MAN2A2: variants seen among roughly 807,000 people sequenced by gnomAD.
MAN2A2 encodes alpha-mannosidase 2x.
A neutral mutation model predicts 126.8 loss-of-function variants in MAN2A2; 79 were observed. The observed-to-expected ratio is 0.62, with a 90% confidence interval of 0.52 to 0.75. The LOEUF (loss-of-function observed/expected upper bound fraction) is 0.75. Ranked by LOEUF, MAN2A2 falls within the 30% of genes least tolerant of loss-of-function variation. MAN2A2 has a pLI of 0.00. For synonymous variants in MAN2A2, 671 were observed against 618.7 expected, an observed-to-expected ratio of 1.08 and a Z score of -1.25; for missense variants, 1,392 against 1,522.4, an observed-to-expected ratio of 0.91 and a Z score of 1.43.
intron 20 of MAN2A2, among the ~76,000 whole-genome samples, 165 bp from the exon 21 acceptor site, chr15:90,918,029 G>A (rs2035319252): frequency 6.6e-6 from 1 of 152,184 alleles, no homozygotes; most frequent in African/African-American, 2.4e-5. Context: ...GTCCACACTT[G>A]AAGGGTTAGC....
In MAN2A2 at chr15:90,913,336, A is replaced by T. The variant is rs747425087; in HGVS notation, c.2648A>T (p.Glu883Val). ...LVDIRDYVNK[E>V]LALHIHTDID... is the part of the protein sequence containing the mutation. ...GACATCCGGGACTACGTCAACAAGG[A>T]GCTGGCCCTGCACATCCATACAGAC... Residue 883 changes from glutamate to valine, a missense_variant, in exon 18 of 23, where the codon GAG becomes GTG. Physicochemically the swap from Glu to Val is moderately radical, Grantham distance 121 (BLOSUM62 -2). Coordinates refer to ENST00000559717, the MANE Select transcript of MAN2A2 (RefSeq NM_006122.4). The T allele has an allele frequency of 6.2e-7, 1 of 1,613,224 alleles. No homozygotes were observed. Among genetic ancestry groups the T allele is most frequent in the Non-Finnish European group, 8.5e-7 (1 of 1,179,148 alleles).
chr15:90,906,580 G>T, intron 6 of MAN2A2, 83 bp downstream of exon 6: 1 of 1,603,954 alleles, frequency 6.2e-7, no homozygotes, highest in Non-Finnish European at 8.5e-7. Flanking sequence ...GATCGGCAGG[G>T]GGTGGTTCCT....
In MAN2A2 at chr15:90,920,267, T is replaced by G. The variant is rs1038355998; in HGVS notation, c.*480T>G. The G allele has an allele frequency of 1.3e-5, 2 of 156,130 alleles. No homozygotes were observed. Among genetic ancestry groups the G allele is most frequent in the African/African-American group, 4.8e-5 (2 of 41,528 alleles). The allele number at this position is 156,130 out of a possible 1,614,324, so 9.7% of individuals were successfully genotyped here. On this transcript the variant is annotated 3_prime_UTR_variant, in exon 23 of 23. Coordinates refer to ENST00000559717, the MANE Select transcript of MAN2A2 (RefSeq NM_006122.4). ...GTGTGATGAGCAGGATCAGAGTGAC[T>G]CTGGGAGGACAGGGGTGGGGACCCA...
At chr15:90,902,407 A>G (rs1274271355), upstream of MAN2A2, 4 of 152,248 alleles carry the variant, frequency 2.6e-5, no homozygotes, top group Non-Finnish European at 5.9e-5. Flanking sequence ...GGGCGCAACG[A>G]CAGAGACCTA....
In MAN2A2 at chr15:90,905,935, G is replaced by T. The variant is rs1289449686; in HGVS notation, c.626G>T (p.Arg209Leu). The change falls in exon 5 of 23, where the codon CGG becomes CTG. Residue 209 changes from arginine to leucine, a missense_variant. Transcript: ENST00000559717. ...TCTAAGCTGCAGGAGGACCCCCGGC[G>T]GCGCTTCCTCTGGGCAGAGGTCTCC... ...MVSKLQEDPR[R>L]RFLWAEVSFF... 1 of 1,613,262 alleles carries T rather than the reference G, an allele frequency of 6.2e-7. No individual in the cohort carries two copies. Among genetic ancestry groups the T allele is most frequent in the African/African-American group, 1.3e-5 (1 of 74,922 alleles).
Position 90,918,216 on chromosome 15 carries a change from G to A in MAN2A2, c.3017G>A (p.Ser1006Asn). 6.2e-7 allele frequency: 1 copy of A among 1,613,704 alleles called. No homozygotes were observed. The highest frequency in any genetic ancestry group is 8.5e-7 in the Non-Finnish European group (1 of 1,179,792). ...CAGGTCCAAGATAGCCACTCTACCA[G>A]CTACCCATCCCTCCTCAGCCACCTG... ...GSEVQDSHSTSYPSLLSHLTS... is the reference protein window; with the variant it reads ...GSEVQDSHSTNYPSLLSHLTS... Residue 1006 changes from serine (S) to asparagine (N), a missense_variant, in exon 21 of 23, where the codon AGC becomes AAC. Physicochemically the swap from Ser to Asn is conservative, Grantham distance 46 (BLOSUM62 1). Transcript: ENST00000559717.
Position 90,912,210 on chromosome 15 carries a change from C to T in MAN2A2, c.2277C>T (p.Gly759=). The T allele has an allele frequency of 6.2e-7, 1 of 1,614,226 alleles. No homozygotes were observed. Among genetic ancestry groups the T allele is most frequent in the South Asian group, 1.1e-5 (1 of 91,090 alleles). The change falls in exon 15 of 23, where the codon GGC becomes GGT. Residue 759 remains glycine, a synonymous_variant. Transcript: ENST00000559717. ...EAFPLRVIDS[G]TSDFALSNRY... Reference sequence around the variant, plus strand: ...TTCCTCTCCGTGTCATTGACTCTGGCACCAGCGACTTCGCCCTCAGCAACC... The same window carrying T: ...TTCCTCTCCGTGTCATTGACTCTGGTACCAGCGACTTCGCCCTCAGCAACC...
intron 22 of MAN2A2, among the ~76,000 whole-genome samples, chr15:90,918,978 T>C (rs2035399310): frequency 6.6e-6 from 1 of 152,172 alleles, no homozygotes; most frequent in African/African-American, 2.4e-5. Context: ...AGCAGGGACC[T>C]CTATCAAGCA....
In MAN2A2 at chr15:90,916,336, A is replaced by AGGAGC. The variant is rs148574508; in HGVS notation, c.2994+82_2994+86dup. ...GCCGGGGGGTCCAGCCTAGGGCTCG[A>AGGAGC]GGAGCGTAGTTGGAGGTGGGCAAGA... On this transcript the variant is annotated intron_variant, in intron 20 of 22. Transcript: ENST00000559717. 3.7e-3 allele frequency: 5,671 copies of AGGAGC among 1,532,308 alleles called. 67 individuals are homozygous for AGGAGC. Among genetic ancestry groups the AGGAGC allele is most frequent in the African/African-American group, 0.029 (2,124 of 72,174 alleles). The allele number at this position is 1,532,308 out of a possible 1,614,324, so 94.9% of individuals were successfully genotyped here.
At chr15:90,917,880 C>T in intron 20 of MAN2A2, 1 of 321,512 alleles carries the variant, frequency 3.1e-6, no homozygotes, top group Non-Finnish European at 5.9e-6. Flanking sequence ...ATCCTCCCTG[C>T]ACTGTGGATC....
chr15:90,913,652 G>C lies in MAN2A2; in HGVS notation c.2757G>C (p.Gln919His). 6.8e-6 allele frequency: 11 copies of C among 1,612,606 alleles called. No homozygotes were observed. The highest frequency in any genetic ancestry group is 9.3e-6 in the Non-Finnish European group (11 of 1,179,514). The change falls in exon 19 of 23, where the codon CAG (glutamine) becomes CAC (histidine). Residue 919 changes from glutamine (Q) to histidine (H), a missense_variant. Gln to His is a conservative substitution (Grantham distance 24). Coordinates refer to ENST00000559717, the MANE Select transcript of MAN2A2 (RefSeq NM_006122.4). ...PRRYLKKLPL[Q>H]ANFYPMPVMA... ...GGTATCTGAAGAAGCTCCCCCTCCAGGCCAACTTCTACCCCATGCCAGTCA... is the reference window on the plus strand; with the variant it reads ...GGTATCTGAAGAAGCTCCCCCTCCACGCCAACTTCTACCCCATGCCAGTCA...
At chr15:90,918,788 A>T (rs2151331924) in intron 22 of MAN2A2, 33 bp downstream of exon 22, 1 of 1,424,516 alleles carries the variant, frequency 7.0e-7, no homozygotes, top group East Asian at 2.3e-5. Flanking sequence ...GCACCTAGGA[A>T]TGGCAGGCAT....
rs765263413 is a variant in MAN2A2 at position 90,911,479 on chromosome 15, G to C, written c.2038G>C (p.Gly680Arg). ...SPRVRVLSEE[G>R]QPLAVQISAH... The stretch of plus-strand genomic sequence containing the variant: ...CCGCGTGCGTGTCCTTTCGGAGGAG[G>C]GTCAGCCCCTGGCCGTGCAGATCAG... Residue 680 changes from glycine to arginine, a missense_variant, in exon 14 of 23, where the codon GGT (glycine) becomes CGT (arginine). Physicochemically the swap from Gly to Arg is moderately radical, Grantham distance 125. Coordinates refer to ENST00000559717, the MANE Select transcript of MAN2A2 (RefSeq NM_006122.4). The C allele has an allele frequency of 2.0e-5, 33 of 1,614,084 alleles. No homozygotes were observed. The African/African-American group carries it at 2.1e-4, about 10-fold the overall frequency.
intron 19 of MAN2A2, 71 bp downstream of exon 19, chr15:90,913,826 C>T: frequency 6.7e-7 from 1 of 1,491,776 alleles, no homozygotes; most frequent in Non-Finnish European, 8.9e-7. Context: ...TCAAGGGCTC[C>T]CCGCTCTGTT....
chr15:90,918,846 A>C (rs1461622455), intron 22 of MAN2A2, 91 bp downstream of exon 22: 1 of 949,774 alleles, frequency 1.1e-6, no homozygotes, highest in Non-Finnish European at 1.6e-6. Context: ...TGGGAGAAGA[A>C]AGTGTCACTC....
rs931810669 is a variant in MAN2A2 at position 90,906,743 on chromosome 15, C to G, written c.839C>G (p.Ala280Gly). Reference protein sequence around the residue: ...GHQWLERNLGATPRSGWAVDP... With the variant: ...GHQWLERNLGGTPRSGWAVDP... ...CTGGCTTCCATGCCCTGCCCAGGTG[C>G]AACCCCCCGCTCTGGCTGGGCAGTG... The change falls in exon 7 of 23, where the codon GCA (alanine) becomes GGA (glycine). Residue 280 changes from alanine to glycine, a missense_variant. Coordinates refer to ENST00000559717, the MANE Select transcript of MAN2A2 (RefSeq NM_006122.4). 5.6e-6 allele frequency: 9 copies of G among 1,611,292 alleles called. No individual in the cohort carries two copies. The highest frequency in any genetic ancestry group is 7.6e-6 in the Non-Finnish European group (9 of 1,179,886).
chr15:90,902,881 G>A (rs1596130297), upstream of MAN2A2: 1 of 148,766 alleles, frequency 6.7e-6, no homozygotes, highest in East Asian at 2.0e-4. Flanking sequence ...CTTCGCCTGC[G>A]TCGCTGCCTG....
intron 19 of MAN2A2, among the ~76,000 whole-genome samples, chr15:90,914,856 G>A (rs913488134): frequency 2.0e-5 from 3 of 152,230 alleles, no homozygotes; most frequent in African/African-American, 7.2e-5. Context: ...GGCATGGGGA[G>A]CACTGGCCTG....
At position 90,922,500 on chromosome 15, in the gene MAN2A2, T is replaced by C. The variant is rs966059514; in HGVS notation, c.*2713T>C. 5 of 152,186 alleles carry C rather than the reference T, an allele frequency of 3.3e-5. No homozygotes were observed. Among genetic ancestry groups the C allele is most frequent in the Admixed American group, 6.5e-5 (1 of 15,278 alleles). 9.4% of individuals were successfully genotyped at this position (152,186 alleles called of 1,614,324 possible). On this transcript the variant is annotated 3_prime_UTR_variant, in exon 23 of 23. Transcript: ENST00000559717. ...CACTGTGGCAGGTGTCATTTGCTAGTAGAATTTGTAATCAAACAATAGGAG... is the reference window on the plus strand; with the variant it reads ...CACTGTGGCAGGTGTCATTTGCTAGCAGAATTTGTAATCAAACAATAGGAG...
Sources: gnomAD v4.1 joint callset for allele counts (sites outside exome capture counted in the v4.1 genomes callset) on GRCh38, gnomAD v4.1.1 for gene constraint, MANE v1.5 for transcripts, NCBI Gene and HGNC (gene_info 2026-07-23, HGNC 2026-07-21) for gene names.